RELL1: variants seen among roughly 807,000 people sequenced by gnomAD.
The protein encoded by RELL1 is RELT like 1.
In RELL1, 10 loss-of-function variants were observed where a neutral mutation model predicts 23.0. The observed-to-expected ratio is 0.43, with a 90% CI of 0.27 to 0.74. The LOEUF (loss-of-function observed/expected upper bound fraction) is 0.74, where lower values mean the gene tolerates loss of function less well. RELL1 is among the 30% of genes least tolerant of loss of function. The pLI is 0.19. For synonymous variants in RELL1, 146 were observed against 146.8 expected (o/e 0.99, Z 0.04); for missense variants, 315 against 364.4 (o/e 0.86, Z 1.10).
At chr4:37,595,906 T>C (rs1406301834) in intron 6 of RELL1, among the ~76,000 whole-genome samples, 2 of 152,142 alleles carry the variant, frequency 1.3e-5, no homozygotes, top group Non-Finnish European at 1.5e-5. Context: ...AACTCAATCT[T>C]TAAAATCCTG....
chr4:37,617,435 G>A (rs577239525), intron 6 of RELL1, among the ~76,000 whole-genome samples: 1 of 152,222 alleles, frequency 6.6e-6, no homozygotes, highest in Non-Finnish European at 1.5e-5. Context: ...CTCAGAAATG[G>A]GGGCGAAAAC....
At chr4:37,604,888 G>C (rs796894476) in intron 6 of RELL1, among the ~76,000 whole-genome samples, 1,623 of 62,736 alleles carry the variant, frequency 0.026, 63 homozygotes, top group East Asian at 0.08. Flanking sequence ...CATACACACA[G>C]ACACACACAC....
At chr4:37,635,880 T>G (rs1364207396) in intron 4 of RELL1, among the ~76,000 whole-genome samples, 1 of 152,122 alleles carries the variant, frequency 6.6e-6, no homozygotes, top group Non-Finnish European at 1.5e-5. Flanking sequence ...ATCAGATAAC[T>G]TAGAGAAAAC....
At chr4:37,673,051 A>T (rs1369259078) in intron 1 of RELL1, among the ~76,000 whole-genome samples, 2 of 152,182 alleles carry the variant, frequency 1.3e-5, no homozygotes, top group Admixed American at 6.5e-5. Context: ...AGAATTCAAT[A>T]GACAAGCTGA....
intron 1 of RELL1, among the ~76,000 whole-genome samples, chr4:37,668,260 T>C (rs1047972395): frequency 7.3e-6 from 1 of 136,118 alleles, no homozygotes; most frequent in African/African-American, 2.7e-5. Context: ...CTCCCTCTGA[T>C]ACCGAGCCGA....
intron 6 of RELL1, among the ~76,000 whole-genome samples, chr4:37,624,572 C>G (rs1172247395): frequency 6.6e-6 from 1 of 151,696 alleles, no homozygotes; most frequent in African/African-American, 2.4e-5. Context: ...TACAGGCACC[C>G]GCCACCACGC....
chr4:37,650,645 T>C (rs1720896433), intron 1 of RELL1, among the ~76,000 whole-genome samples: 2 of 151,990 alleles, frequency 1.3e-5, no homozygotes, highest in African/African-American at 4.8e-5. Flanking sequence ...AAGGGAAGTT[T>C]TTGCCTTTAG....
rs76662056 is a variant in RELL1 at position 37,665,470 on chromosome 4, A to T, written c.89-15970T>A. 3,182 of 359,950 alleles carry T rather than the reference A, an allele frequency of 8.8e-3. 49 individuals are homozygous for T. The highest frequency in any genetic ancestry group is 0.029 in the East Asian group (395 of 13,460). The allele number at this position is 359,950 out of a possible 1,614,324, so 22.3% of individuals were successfully genotyped here. The stretch of plus-strand genomic sequence containing the variant: ...TCAACTGGATTTTCACAGGACTCCA[A>T]TTCATCCCCAACTGCCAGATCCATA... On this transcript the variant is annotated intron_variant, in intron 1 of 6. Coordinates refer to ENST00000454158, the MANE Select transcript of RELL1 (RefSeq NM_001085400.2).
At chr4:37,595,089 A>G (rs1718785895) in intron 6 of RELL1, among the ~76,000 whole-genome samples, 1 of 152,178 alleles carries the variant, frequency 6.6e-6, no homozygotes, top group South Asian at 2.1e-4. Flanking sequence ...AACCTCATGC[A>G]TTTTTAAATC....
chr4:37,635,512 A>T (rs1720294475), intron 4 of RELL1, among the ~76,000 whole-genome samples: 1 of 152,124 alleles, frequency 6.6e-6, no homozygotes, highest in Non-Finnish European at 1.5e-5. Context: ...CTGTAGTCCC[A>T]GCTACTTGGG....
intron 1 of RELL1, among the ~76,000 whole-genome samples, chr4:37,657,200 A>G (rs1452695146): frequency 1.3e-5 from 2 of 152,252 alleles, no homozygotes; most frequent in Non-Finnish European, 1.5e-5. Flanking sequence ...GGAAATAAAC[A>G]GGCAAAAATA....
chr4:37,615,341 T>G (rs866201987), intron 6 of RELL1, among the ~76,000 whole-genome samples: 28 of 152,342 alleles, frequency 1.8e-4, no homozygotes, highest in Middle Eastern at 6.8e-3. Context: ...GCTAATCTTA[T>G]TAAAACCCTT....
At chr4:37,636,493 G>A (rs1720336147) in intron 4 of RELL1, among the ~76,000 whole-genome samples, 1 of 151,800 alleles carries the variant, frequency 6.6e-6, no homozygotes, top group Admixed American at 6.6e-5. Context: ...TAATCGGGAG[G>A]CTGAGGCAGG....
At chr4:37,659,766 A>G (rs1176165401) in intron 1 of RELL1, among the ~76,000 whole-genome samples, 2 of 152,122 alleles carry the variant, frequency 1.3e-5, no homozygotes, top group East Asian at 3.9e-4. Flanking sequence ...CTGGAGATGA[A>G]GACACGAGCC....
In RELL1 at chr4:37,612,884, T is replaced by C. The variant is rs993297726; in HGVS notation, c.*462A>G. The C allele has an allele frequency of 6.6e-6, 1 of 152,164 alleles. No individual in the cohort carries two copies. Among genetic ancestry groups the C allele is most frequent in the Non-Finnish European group, 1.5e-5 (1 of 68,052 alleles). 9.4% of individuals were successfully genotyped at this position (152,164 alleles called of 1,614,324 possible). A position where few individuals can be genotyped will look rare whatever the true frequency, so the allele number is the denominator to read the frequency against. The stretch of plus-strand genomic sequence containing the variant: ...TAACCTGTATGTATCAAGATCTTCT[T>C]ACAACCAGTGTCAAAATAGGATGCA... On this transcript the variant is annotated 3_prime_UTR_variant, in exon 7 of 7. Transcript: ENST00000454158.
At chr4:37,663,826 C>T (rs1183407464) in intron 1 of RELL1, among the ~76,000 whole-genome samples, 1 of 152,072 alleles carries the variant, frequency 6.6e-6, no homozygotes, top group Non-Finnish European at 1.5e-5. Context: ...AAACTGTCAC[C>T]AATGAACCAC....
chr4:37,605,855 AAGAAAAG>A (rs1384279904), downstream of RELL1, among the ~76,000 whole-genome samples: 6 of 137,926 alleles, frequency 4.4e-5, no homozygotes, highest in Non-Finnish European at 1.0e-4. Context: ...AGGAAAAGAA[AAGAAAAG>A]AAAGAGAAAG....
At chr4:37,632,109 A>AC (rs1553873516) in intron 5 of RELL1, among the ~76,000 whole-genome samples, 4 of 146,632 alleles carry the variant, frequency 2.7e-5, no homozygotes, top group Non-Finnish European at 6.0e-5. Context: ...AAAAAAAAAA[A>AC]CACCTCAGAG....
intron 5 of RELL1, among the ~76,000 whole-genome samples, chr4:37,633,566 G>T (rs1180246200): frequency 1.3e-5 from 2 of 151,800 alleles, no homozygotes; most frequent in African/African-American, 4.8e-5. Context: ...CCATGACTCT[G>T]CTTCTTAATA....
Sources: gnomAD v4.1 joint callset for allele counts (sites outside exome capture counted in the v4.1 genomes callset) on GRCh38, gnomAD v4.1.1 for gene constraint, MANE v1.5 for transcripts, NCBI Gene and HGNC (gene_info 2026-07-23, HGNC 2026-07-21) for gene names.